FMR1: variants seen among roughly 807,000 people sequenced by gnomAD.
The protein encoded by FMR1 is FMRP translational regulator 1.
FMR1 carries 13 observed loss-of-function variants against 50.6 expected under a neutral mutation model. That is an observed-to-expected ratio of 0.26 (90% confidence interval 0.17 to 0.41). The LOEUF (loss-of-function observed/expected upper bound fraction) is 0.41, where lower values mean the gene tolerates loss of function less well. Ranked by LOEUF, FMR1 falls within the 10% of genes least tolerant of loss-of-function variation. The pLI, the probability that FMR1 is intolerant of heterozygous loss-of-function variation, is 1.00. For missense variants in FMR1, 316 were observed against 491.3 expected (o/e 0.64, Z 3.37); for synonymous variants, 138 against 164.1 (o/e 0.84, Z 1.22).
chrX:147,927,617 C>A (rs782320232), intron 3 of FMR1: 4 of 111,108 alleles, frequency 3.6e-5, no homozygotes, highest in Admixed American at 2.9e-4. Flanking sequence ...TTCCTATTAA[C>A]CTTGATTTGC....
In FMR1 at chrX:147,943,222, A is replaced by T; in HGVS notation, c.1367A>T (p.Asp456Val). The part of the protein sequence containing the change: ...ASSRPPPNRT[D>V]KEKSYVTDDG... ...TCTAGACCACCACCAAATCGTACAGATAAGGAAAAAAGCTATGTGACTGAT... is the reference window on the plus strand; with the variant it reads ...TCTAGACCACCACCAAATCGTACAGTTAAGGAAAAAAGCTATGTGACTGAT... The change falls in exon 14 of 17, where the codon GAT (aspartate) becomes GTT (valine). Residue 456 changes from aspartate (D) to valine (V), a missense_variant. Physicochemically the swap from Asp to Val is radical, Grantham distance 152. Coordinates refer to ENST00000370475, the MANE Select transcript of FMR1 (RefSeq NM_002024.6). 1 of 1,210,692 alleles carries T rather than the reference A, an allele frequency of 8.3e-7. No homozygotes were observed. The highest frequency in any genetic ancestry group is 1.1e-6 in the Non-Finnish European group (1 of 894,561).
intron 2 of FMR1, among the ~76,000 whole-genome samples, chrX:147,922,709 T>G (rs782667590): frequency 9.0e-6 from 1 of 111,097 alleles, no homozygotes; most frequent in Non-Finnish European, 1.9e-5. Flanking sequence ...CTTAGGATTT[T>G]ACTAAACTCT....
rs782326789 is a variant in FMR1, at chrX:147,948,827, G to T, written c.1882G>T (p.Val628Leu). Residue 628 changes from valine to leucine, a missense_variant, in exon 17 of 17, where the codon GTG becomes TTG. By Grantham distance (32) the Val-to-Leu change is conservative. Around this residue, in one of 4 missense-constraint regions of FMR1, gnomAD observed 124 missense variants for 160.8 expected, o/e 0.77. Transcript: ENST00000370475. ...CAGCGTGGATGGTCAGCAACCACTC[G>T]TGAATGGAGTACCCTAAACTGCATA... ...PDSVDGQQPL[V>L]NGVP 3 of 1,209,387 alleles carry T rather than the reference G, an allele frequency of 2.5e-6. No individual in the cohort carries two copies. The highest frequency in any genetic ancestry group is 1.7e-5 in the African/African-American group (1 of 57,730).
chrX:147,927,225 A>G (rs1374680115), intron 3 of FMR1, among the ~76,000 whole-genome samples: 1 of 111,710 alleles, frequency 9.0e-6, no homozygotes, highest in East Asian at 2.8e-4. Context: ...AGGAGTACCC[A>G]GAATAGTGTT....
chrX:147,949,900 A>G lies in FMR1; in HGVS notation c.*1056A>G, dbSNP rs1213868090. 1 of 325,748 alleles carries G rather than the reference A, an allele frequency of 3.1e-6. No individual in the cohort carries two copies. The highest frequency in any genetic ancestry group is 5.9e-6 in the Non-Finnish European group (1 of 169,167). The allele number at this position is 325,748 out of a possible 1,213,427, so 26.8% of individuals were successfully genotyped here. On this transcript the variant is annotated 3_prime_UTR_variant, in exon 17 of 17. Coordinates refer to ENST00000370475, the MANE Select transcript of FMR1 (RefSeq NM_002024.6). ...TCCATGTATGCATAATAATCCTGCA[A>G]AGTACAGGTACTTTGTCTAAGAAAC...
chrX:147,943,999 A>G (rs1012341964), intron 14 of FMR1: 2 of 176,430 alleles, frequency 1.1e-5, no homozygotes, highest in Non-Finnish European at 1.8e-5. Flanking sequence ...AAAGCCTTCA[A>G]GATCCACAGG....
chrX:147,943,538 T>C, intron 14 of FMR1: 1 of 423,423 alleles, frequency 2.4e-6, no homozygotes, highest in Middle Eastern at 6.5e-4. Flanking sequence ...GTTCATGCTC[T>C]GATTGGGGGT....
intron 1 of FMR1, among the ~76,000 whole-genome samples, chrX:147,916,732 GTTTGTTTC>G (rs1189549509): frequency 3.0e-4 from 32 of 106,654 alleles, no homozygotes; most frequent in East Asian, 1.5e-3. Flanking sequence ...TGTTTCTTTA[GTTTGTTTC>G]TTTGTTTCTT....
At chrX:147,927,252 G>A (rs1374852946) in intron 3 of FMR1, among the ~76,000 whole-genome samples, 5 of 111,662 alleles carry the variant, frequency 4.5e-5, no homozygotes, top group African/African-American at 1.6e-4. Context: ...AGGGATGAAA[G>A]GGACTTTTTC....
rs368432261 is a variant in FMR1, at chrX:147,926,209, T to C, written c.198+576T>C. On this transcript the variant is annotated intron_variant, in intron 3 of 16. Transcript: ENST00000370475. ...AGATCTAACATGTGAACAGAAATGT[T>C]GTGTTTGTGATTTCTTTCTCCATTA... Among the ~76,000 whole-genome samples, 535 of 111,881 alleles carry C rather than the reference T, an allele frequency of 4.8e-3. 1 individual carries two copies. Among genetic ancestry groups the C allele is most frequent in the African/African-American group, 0.016 (491 of 30,775 alleles).
At chrX:147,947,423 A>G (rs1213148940) in intron 16 of FMR1, 1 of 104,813 alleles carries the variant, frequency 9.5e-6, no homozygotes, top group Non-Finnish European at 2.0e-5. Flanking sequence ...AAAAAAAAAA[A>G]AAAAGGGCCA....
At chrX:147,933,004 T>C (rs1419846623) in intron 9 of FMR1, among the ~76,000 whole-genome samples, 1 of 107,965 alleles carries the variant, frequency 9.3e-6, no homozygotes, top group African/African-American at 3.4e-5. Flanking sequence ...CACTAACTTG[T>C]CATCTAGCAT....
At position 147,948,964 on chromosome X, in the gene FMR1, A is replaced by C. The variant is rs782547889; in HGVS notation, c.*120A>C. On this transcript the variant is annotated 3_prime_UTR_variant, in exon 17 of 17. Coordinates refer to ENST00000370475, the MANE Select transcript of FMR1 (RefSeq NM_002024.6). The stretch of plus-strand genomic sequence containing the variant: ...AGATGGCACAGGGCATGAAATGAAC[A>C]CAAATTATGCTAAGAATTTTTTATT... 6.8e-5 allele frequency: 50 copies of C among 736,576 alleles called. No individual in the cohort carries two copies. The highest frequency in any genetic ancestry group is 9.8e-5 in the Non-Finnish European group (47 of 478,265). 60.7% of individuals were successfully genotyped at this position (736,576 alleles called of 1,213,427 possible).
chrX:147,915,254 T>C (rs945385974), intron 1 of FMR1, among the ~76,000 whole-genome samples: 2 of 112,070 alleles, frequency 1.8e-5, no homozygotes, highest in African/African-American at 6.5e-5. Context: ...TTAATGAAGA[T>C]ATTAGTGGTC....
chrX:147,940,128 T>C (rs2043940638), intron 12 of FMR1: 1 of 74,938 alleles, frequency 1.3e-5, no homozygotes, highest in African/African-American at 6.1e-5. Context: ...GCCACTGCAC[T>C]CCAGCCTGGG....
chrX:147,921,109 A>C lies in FMR1; in HGVS notation c.52-824A>C, dbSNP rs537466419. On this transcript the variant is annotated intron_variant, in intron 1 of 16. Transcript: ENST00000370475. ...GCTTAAATCTCCCCAAGCCCTTTTAAAATAAATTAAGATATAAAGCCTTTG... is the reference window on the plus strand; with the variant it reads ...GCTTAAATCTCCCCAAGCCCTTTTACAATAAATTAAGATATAAAGCCTTTG... Among the ~76,000 whole-genome samples the C allele has an allele frequency of 9.8e-5, 11 of 111,897 alleles. No individual in the cohort carries two copies. In the South Asian group the frequency reaches 4.1e-3, roughly 42 times the overall value.
intron 5 of FMR1, among the ~76,000 whole-genome samples, chrX:147,929,157 C>A (rs1050457542): frequency 8.9e-6 from 1 of 111,789 alleles, no homozygotes; most frequent in African/African-American, 3.2e-5. Flanking sequence ...TAAACGATTT[C>A]TCCGTTTTTT....
chrX:147,926,502 A>T (rs182245390), intron 3 of FMR1, among the ~76,000 whole-genome samples: 6,527 of 109,335 alleles, frequency 0.06, 206 homozygotes, highest in Middle Eastern at 0.12. Flanking sequence ...TTATTTATTT[A>T]TTTTTTGAGA....
intron 16 of FMR1, 147 bp from the exon 17 acceptor site, chrX:147,948,536 A>G: frequency 8.9e-7 from 1 of 1,123,232 alleles, no homozygotes; most frequent in Non-Finnish European, 1.2e-6. Context: ...CCTACCTTAC[A>G]TTAATTTCTT....
Sources: gnomAD v4.1 joint callset for allele counts (sites outside exome capture counted in the v4.1 genomes callset) on GRCh38, gnomAD v4.1.1 for gene constraint, gnomAD v4.1.1 regional missense constraint, MANE v1.5 for transcripts, NCBI Gene and HGNC (gene_info 2026-07-23, HGNC 2026-07-21) for gene names.